The following DNM3 variants were observed in gnomAD, a reference collection of about 807,000 sequenced individuals.
DNM3 encodes dynamin 3.
A neutral mutation model predicts 101.6 loss-of-function variants in DNM3; 47 were observed. The observed-to-expected ratio is 0.46, with a 90% CI of 0.37 to 0.59. The LOEUF (loss-of-function observed/expected upper bound fraction) is 0.59. Among genes scored for constraint, DNM3 ranks in the 20% least tolerant of loss-of-function variants. The probability of loss-of-function intolerance (pLI) is 0.00; values close to 1 mark genes in which losing one functional copy is unlikely to be tolerated. For synonymous variants in DNM3, 385 were observed against 387.9 expected, an observed-to-expected ratio of 0.99 and a Z score of 0.09; for missense variants, 849 against 1,085.7, an observed-to-expected ratio of 0.78 and a Z score of 3.06.
intron 14 of DNM3, among the ~76,000 whole-genome samples, chr1:172,222,882 A>T (rs1000864741): frequency 6.6e-6 from 1 of 152,118 alleles, no homozygotes; most frequent in African/African-American, 2.4e-5. Flanking sequence ...CTAGAAAAAG[A>T]TGTATGTATG....
intron 14 of DNM3, among the ~76,000 whole-genome samples, chr1:172,142,715 G>A (rs1442550425): frequency 7.0e-6 from 1 of 143,878 alleles, no homozygotes; most frequent in Non-Finnish European, 1.5e-5. Context: ...AGCAAATTTT[G>A]AAATGTAATC....
chr1:172,268,659 G>T (rs900345101), intron 15 of DNM3, among the ~76,000 whole-genome samples: 1 of 152,126 alleles, frequency 6.6e-6, no homozygotes, highest in Non-Finnish European at 1.5e-5. Context: ...ATATTTTTAT[G>T]AACTAAGTCT....
chr1:171,968,658 G>T (rs908985581), intron 2 of DNM3, among the ~76,000 whole-genome samples: 7 of 151,740 alleles, frequency 4.6e-5, no homozygotes, highest in Admixed American at 4.6e-4. Context: ...TTTTGGCTTG[G>T]TATGTGTTGG....
At chr1:171,973,117 G>A (rs2044133630) in intron 2 of DNM3, among the ~76,000 whole-genome samples, 3 of 152,182 alleles carry the variant, frequency 2.0e-5, no homozygotes, top group African/African-American at 7.2e-5. Flanking sequence ...ATATGTAGGG[G>A]GCGGGGGAGG....
chr1:171,860,672 A>G (rs999089630), intron 1 of DNM3, among the ~76,000 whole-genome samples: 9 of 152,076 alleles, frequency 5.9e-5, no homozygotes, highest in Non-Finnish European at 7.4e-5. Context: ...ATGGGTTAGG[A>G]ATCTTTTGCA....
chr1:171,961,922 G>A (rs112238844), intron 2 of DNM3, among the ~76,000 whole-genome samples: 52 of 152,254 alleles, frequency 3.4e-4, no homozygotes, highest in Non-Finnish European at 4.0e-4. Flanking sequence ...ATAAAGAAAA[G>A]GAATTTATTT....
chr1:172,043,063 G>T (rs1314327168), intron 8 of DNM3, among the ~76,000 whole-genome samples: 2 of 152,144 alleles, frequency 1.3e-5, no homozygotes, highest in Non-Finnish European at 2.9e-5. Context: ...GGTCTTGGAA[G>T]AGGCTTGTGC....
chr1:172,218,341 T>C (rs2060780337), intron 14 of DNM3, among the ~76,000 whole-genome samples: 1 of 146,512 alleles, frequency 6.8e-6, no homozygotes. Context: ...TACATGAAGA[T>C]TTTTTTTTTT....
intron 8 of DNM3, among the ~76,000 whole-genome samples, chr1:172,042,701 G>A (rs1176601496): frequency 6.6e-6 from 1 of 152,136 alleles, no homozygotes; most frequent in African/African-American, 2.4e-5. Flanking sequence ...GCAACCTCGG[G>A]TAAGGCACTA....
At chr1:172,334,834 T>C (rs182883649) in intron 17 of DNM3, among the ~76,000 whole-genome samples, 28 of 152,296 alleles carry the variant, frequency 1.8e-4, no homozygotes, top group Admixed American at 1.6e-3. Flanking sequence ...ACCCACACTT[T>C]TTTGTGAACA....
At chr1:171,893,229 A>C (rs990973443) in intron 1 of DNM3, among the ~76,000 whole-genome samples, 14 of 152,034 alleles carry the variant, frequency 9.2e-5, no homozygotes, top group African/African-American at 3.4e-4. Context: ...TTTTTGTTTA[A>C]ATTGCATGGA....
chr1:171,868,932 C>T (rs556571704), intron 1 of DNM3, among the ~76,000 whole-genome samples: 10 of 152,042 alleles, frequency 6.6e-5, no homozygotes, highest in South Asian at 2.1e-4. Context: ...TACAGGCATG[C>T]GCCACCACAC....
chr1:172,265,322 G>T (rs2062817294), intron 15 of DNM3, among the ~76,000 whole-genome samples: 1 of 151,962 alleles, frequency 6.6e-6, no homozygotes, highest in South Asian at 2.1e-4. Context: ...AGATTTTTGA[G>T]CCATTTTAAA....
rs557999644 is a variant in DNM3 at position 172,162,368 on chromosome 1, C to T, written c.1659+31080C>T. Among the ~76,000 whole-genome samples, 5 of 152,084 alleles carry T rather than the reference C, an allele frequency of 3.3e-5. No individual in the cohort carries two copies. The South Asian group carries it at 1.0e-3, about 32-fold the overall frequency. On this transcript the variant is annotated intron_variant, in intron 14 of 20. Transcript: ENST00000627582. The stretch of plus-strand genomic sequence containing the variant: ...ACAACATTTTGGGTCAAATCATACA[C>T]ATAAGGGCTGCTTTCCAAACATTTG...
chr1:171,873,852 G>A (rs2035519485), intron 1 of DNM3, among the ~76,000 whole-genome samples: 1 of 152,132 alleles, frequency 6.6e-6, no homozygotes, highest in Admixed American at 6.5e-5. Context: ...CTTTTTAGAA[G>A]CTGTTTCCTT....
intron 1 of DNM3, among the ~76,000 whole-genome samples, chr1:171,850,899 G>C (rs547230080): frequency 1.3e-4 from 19 of 151,996 alleles, no homozygotes; most frequent in Non-Finnish European, 2.8e-4. Flanking sequence ...CCAGATTGTA[G>C]GGACATACGA....
At chr1:172,219,208 G>C (rs651577) in intron 14 of DNM3, among the ~76,000 whole-genome samples, 97,352 of 151,288 alleles carry the variant, frequency 0.64, 33,591 homozygotes, top group African/African-American at 0.91. Context: ...AAAAATAAAA[G>C]AAAACTAGCT....
At chr1:172,226,058 T>A (rs1351530523) in intron 14 of DNM3, among the ~76,000 whole-genome samples, 2 of 152,172 alleles carry the variant, frequency 1.3e-5, no homozygotes, top group East Asian at 3.8e-4. Context: ...GTTTCTAGTT[T>A]GTAACTATTT....
At chr1:172,177,257 TAG>T (rs142889640) in intron 14 of DNM3, among the ~76,000 whole-genome samples, 122 of 148,486 alleles carry the variant, frequency 8.2e-4, no homozygotes, top group Admixed American at 1.0e-3. Context: ...TGTACAAGAA[TAG>T]AGAGAGAGAG....
Sources: gnomAD v4.1 joint callset for allele counts (sites outside exome capture counted in the v4.1 genomes callset) on GRCh38, gnomAD v4.1.1 for gene constraint, MANE v1.5 for transcripts, NCBI Gene and HGNC (gene_info 2026-07-23, HGNC 2026-07-21) for gene names.